The following PLD5 variants were observed in gnomAD, a reference collection of about 807,000 sequenced individuals.
PLD5 encodes phospholipase D family member 5, also known as inactive phospholipase D5.
PLD5 carries 36 observed loss-of-function variants against 61.1 expected under a neutral mutation model. The ratio of observed to expected loss-of-function variants is 0.59; its 90% CI spans 0.45 to 0.78. PLD5 has a LOEUF of 0.78. PLD5 is among the 30% of genes least tolerant of loss of function. The probability of loss-of-function intolerance (pLI) is 0.00; values close to 1 mark genes in which losing one functional copy is unlikely to be tolerated. For missense variants in PLD5, 515 were observed against 644.4 expected, an observed-to-expected ratio of 0.80 and a Z score of 2.17; for synonymous variants, 243 against 242.8, an observed-to-expected ratio of 1.00 and a Z score of -0.01.
chr1:242,168,326 G>A (rs775922567), intron 5 of PLD5, among the ~76,000 whole-genome samples: 3 of 152,152 alleles, frequency 2.0e-5, no homozygotes, highest in Non-Finnish European at 4.4e-5. Flanking sequence ...GCATATCAAA[G>A]AAGATGTGAA....
At chr1:242,444,758 T>C (rs1666450903) in intron 1 of PLD5, among the ~76,000 whole-genome samples, 2 of 3,668 alleles carry the variant, frequency 5.5e-4, no homozygotes, top group Non-Finnish European at 1.1e-3. Context: ...GCTATATATA[T>C]AATATATATT....
chr1:242,294,185 C>T (rs1368620638), intron 2 of PLD5, among the ~76,000 whole-genome samples: 1 of 152,142 alleles, frequency 6.6e-6, no homozygotes, highest in East Asian at 1.9e-4. Context: ...TATAGGAATG[C>T]AATACAACAA....
intron 5 of PLD5, among the ~76,000 whole-genome samples, chr1:242,173,866 T>C (rs1426316433): frequency 2.6e-5 from 4 of 152,124 alleles, no homozygotes; most frequent in African/African-American, 9.7e-5. Flanking sequence ...TGAAACTGGA[T>C]CCCTTCCTTA....
At chr1:242,449,064 C>T (rs961620103) in intron 1 of PLD5, among the ~76,000 whole-genome samples, 10 of 152,204 alleles carry the variant, frequency 6.6e-5, no homozygotes, top group African/African-American at 1.4e-4. Context: ...ATGCATTAAT[C>T]GGGGTTTACA....
chr1:242,252,286 A>G (rs10737877), intron 4 of PLD5, among the ~76,000 whole-genome samples: 31,280 of 152,272 alleles, frequency 0.21, 3,559 homozygotes, highest in East Asian at 0.37. Flanking sequence ...TTCTCGTGAC[A>G]TTGATTTAAA....
chr1:242,385,018 G>A (rs1191584134), intron 1 of PLD5, among the ~76,000 whole-genome samples: 1 of 152,154 alleles, frequency 6.6e-6, no homozygotes, highest in East Asian at 1.9e-4. Context: ...CAAAAAGCAA[G>A]GAAGCTATCA....
At chr1:242,162,587 T>A (rs927115927) in intron 5 of PLD5, among the ~76,000 whole-genome samples, 1 of 152,176 alleles carries the variant, frequency 6.6e-6, no homozygotes, top group Non-Finnish European at 1.5e-5. Flanking sequence ...TTAAAAAAAA[T>A]TGCCCAGGGT....
chr1:242,143,930 TG>T (rs1457319029), intron 5 of PLD5, among the ~76,000 whole-genome samples: 1 of 151,904 alleles, frequency 6.6e-6, no homozygotes. Flanking sequence ...CAACCTCCCC[TG>T]CCAGGTTCAA....
chr1:242,512,686 T>C (rs1668967976), intron 1 of PLD5, among the ~76,000 whole-genome samples: 1 of 152,198 alleles, frequency 6.6e-6, no homozygotes, highest in African/African-American at 2.4e-5. Flanking sequence ...GATATTGACA[T>C]AGATCACTAA....
intron 4 of PLD5, among the ~76,000 whole-genome samples, chr1:242,246,468 TAGAAA>T (rs1191123196): frequency 2.0e-5 from 2 of 100,812 alleles, no homozygotes; most frequent in Non-Finnish European, 4.4e-5. Context: ...TATACTTGCA[TAGAAA>T]AGACAACACA....
At chr1:242,204,839 G>T (rs1368129649) in intron 5 of PLD5, among the ~76,000 whole-genome samples, 1 of 152,110 alleles carries the variant, frequency 6.6e-6, no homozygotes, top group African/African-American at 2.4e-5. Context: ...CTATCTGACT[G>T]CAACCACTAT....
intron 3 of PLD5, among the ~76,000 whole-genome samples, chr1:242,283,308 TTCCA>T (rs1210325608): frequency 6.6e-6 from 1 of 152,212 alleles, no homozygotes; most frequent in Non-Finnish European, 1.5e-5. Flanking sequence ...ATTGCTACTC[TTCCA>T]GAGACCAGAC....
intron 5 of PLD5, among the ~76,000 whole-genome samples, chr1:242,159,375 A>G (rs1284761530): frequency 2.0e-5 from 3 of 152,160 alleles, no homozygotes; most frequent in Admixed American, 6.5e-5. Flanking sequence ...GTGTGTTGTC[A>G]GTGTCTGCTC....
At chr1:242,486,008 C>T (rs921431527) in intron 1 of PLD5, among the ~76,000 whole-genome samples, 8 of 151,860 alleles carry the variant, frequency 5.3e-5, no homozygotes, top group African/African-American at 1.2e-4. Flanking sequence ...AACTGGCTAG[C>T]CATATGTAGA....
chr1:242,326,463 ACTT>A (rs781093497), intron 2 of PLD5, among the ~76,000 whole-genome samples: 4 of 151,974 alleles, frequency 2.6e-5, no homozygotes, highest in Non-Finnish European at 4.4e-5. Flanking sequence ...AAGTTAACTG[ACTT>A]CTTTAGTCTA....
intron 1 of PLD5, among the ~76,000 whole-genome samples, chr1:242,354,046 G>C (rs2149227638): frequency 6.6e-6 from 1 of 151,484 alleles, no homozygotes; most frequent in African/African-American, 2.4e-5. Flanking sequence ...GTAAGATTGA[G>C]GTAAGAGACC....
At chr1:242,384,588 T>C (rs1469247751) in intron 1 of PLD5, among the ~76,000 whole-genome samples, 4 of 152,240 alleles carry the variant, frequency 2.6e-5, no homozygotes, top group East Asian at 1.9e-4. Context: ...CGCTTCGTCT[T>C]ATTCATTTAC....
intron 1 of PLD5, among the ~76,000 whole-genome samples, chr1:242,455,848 G>A (rs1020297569): frequency 6.6e-5 from 10 of 152,314 alleles, no homozygotes; most frequent in African/African-American, 1.9e-4. Flanking sequence ...TCCTTGAACC[G>A]CAGTTATGTA....
At chr1:242,335,052 C>T (rs1373045391) in intron 2 of PLD5, among the ~76,000 whole-genome samples, 1 of 152,008 alleles carries the variant, frequency 6.6e-6, no homozygotes, top group Non-Finnish European at 1.5e-5. Context: ...CACCTCTCTA[C>T]AGTTTTTATT....
Sources: allele counts gnomAD v4.1 joint callset (sites outside exome capture counted in the v4.1 genomes callset), GRCh38; gene constraint gnomAD v4.1.1; transcripts MANE v1.5; gene names NCBI Gene and HGNC (gene_info 2026-07-23, HGNC 2026-07-21).